The following ASAH1 variants were observed in gnomAD, a reference collection of about 807,000 sequenced individuals.
The protein encoded by ASAH1 is acid ceramidase.
In ASAH1, 70 loss-of-function variants were observed where a neutral mutation model predicts 59.5. The ratio of observed to expected loss-of-function variants is 1.18; its 90% CI spans 0.97 to 1.43. The LOEUF (loss-of-function observed/expected upper bound fraction) is 1.43. Ranked by LOEUF, ASAH1 falls within the 40% of genes most tolerant of loss-of-function variation. ASAH1 has a pLI of 0.00. For missense variants in ASAH1, 660 were observed against 482.5 expected (o/e 1.37, Z -3.45); for synonymous variants, 213 against 166.5 (o/e 1.28, Z -2.15).
At position 18,071,408 on chromosome 8, in the gene ASAH1, T is replaced by C. The variant is rs994632400; in HGVS notation, c.126-18A>G. 6.7e-7 allele frequency: 1 copy of C among 1,502,320 alleles called. No homozygotes were observed. The highest frequency in any genetic ancestry group is 9.2e-7 in the Non-Finnish European group (1 of 1,085,412). 93.1% of individuals were successfully genotyped at this position (1,502,320 alleles called of 1,614,324 possible). A position where few individuals can be genotyped will look rare whatever the true frequency, so the allele number is the denominator to read the frequency against. ...CTCTGTACCTGTAATGAGAGGTGTA[T>C]CATCTTGAAATGATGAAAGGGTTTT... On this transcript the variant is annotated intron_variant, in intron 2 of 13. Coordinates refer to ENST00000637790, the MANE Select transcript of ASAH1 (RefSeq NM_177924.5).
rs1799496104 is a variant in ASAH1, at chr8:18,056,999, C to G, written c.*535G>C. 6.3e-6 allele frequency: 1 copy of G among 159,592 alleles called. No individual in the cohort carries two copies. Among genetic ancestry groups the G allele is most frequent in the South Asian group, 1.7e-4 (1 of 5,736 alleles). The allele number at this position is 159,592 out of a possible 1,614,324, so 9.9% of individuals were successfully genotyped here. A position where few individuals can be genotyped will look rare whatever the true frequency, so the allele number is the denominator to read the frequency against. On this transcript the variant is annotated 3_prime_UTR_variant, in exon 14 of 14. Transcript: ENST00000637790. ...ATACAGGTGAATGTCTGTCTCATCCCTCTAATCATATGTAATAAAATTATA... is the reference window on the plus strand; with the variant it reads ...ATACAGGTGAATGTCTGTCTCATCCGTCTAATCATATGTAATAAAATTATA...
chr8:18,068,124 A>G (rs1274860536), intron 4 of ASAH1: 1 of 152,180 alleles, frequency 6.6e-6, no homozygotes, highest in Non-Finnish European at 1.5e-5. Flanking sequence ...TGCTTTATAC[A>G]CAGTATGTCA....
chr8:18,060,738 A>C (rs1043111784), intron 10 of ASAH1: 5 of 152,566 alleles, frequency 3.3e-5, no homozygotes, highest in African/African-American at 9.7e-5. Context: ...TATGTAGTAC[A>C]TTTTGTATTT....
At chr8:18,069,705 G>A (rs566053158) in intron 4 of ASAH1, 87 bp downstream of exon 4, 14 of 957,852 alleles carry the variant, frequency 1.5e-5, no homozygotes, top group East Asian at 1.2e-4. Flanking sequence ...AAGTCCCTGC[G>A]AAGAGGTTGC....
At chr8:18,067,356 A>G in intron 4 of ASAH1, 58 bp from the exon 5 acceptor site, 1 of 1,034,072 alleles carries the variant, frequency 9.7e-7, no homozygotes, top group Non-Finnish European at 1.3e-6. Context: ...AAAATATATA[A>G]TATAATATAA....
intron 2 of ASAH1, chr8:18,073,410 T>C: frequency 1.1e-6 from 1 of 932,550 alleles, no homozygotes; most frequent in South Asian, 1.5e-5. Context: ...ACTTAGTGTT[T>C]GCAATGTCCA....
intron 2 of ASAH1, chr8:18,073,405 G>C (rs954617701): frequency 1.0e-6 from 1 of 972,760 alleles, no homozygotes; most frequent in South Asian, 1.5e-5. Flanking sequence ...TTGAGACTTA[G>C]TGTTTGCAAT....
intron 3 of ASAH1, among the ~76,000 whole-genome samples, chr8:18,070,190 C>A (rs1196075360): frequency 1.3e-5 from 2 of 152,038 alleles, no homozygotes; most frequent in East Asian, 3.9e-4. Context: ...GCTCTTGTCG[C>A]CCAGGCCGGA....
At chr8:18,076,265 T>C (rs55665443) in intron 1 of ASAH1, 6,633 of 154,802 alleles carry the variant, frequency 0.043, 492 homozygotes, top group African/African-American at 0.15. Context: ...ATGAAAATAT[T>C]CATACCCTCC....
Position 18,063,096 on chromosome 8 carries a change from C to T in ASAH1, c.503+89G>A, listed in dbSNP as rs1281047038. The T allele has an allele frequency of 9.4e-6, 12 of 1,273,496 alleles. No homozygotes were observed. In the African/African-American group the frequency reaches 1.8e-4, roughly 19 times the overall value. 78.9% of individuals were successfully genotyped at this position (1,273,496 alleles called of 1,614,324 possible). A position where few individuals can be genotyped will look rare whatever the true frequency, so the allele number is the denominator to read the frequency against. ...TCTTGGCCAGGCTGGTCTTGAACTCCTGACCTCGTGATCCACCCGTGTCAG... is the reference window on the plus strand; with the variant it reads ...TCTTGGCCAGGCTGGTCTTGAACTCTTGACCTCGTGATCCACCCGTGTCAG... On this transcript the variant is annotated intron_variant, in intron 7 of 13. Transcript: ENST00000637790.
chr8:18,056,911 T>C lies in ASAH1; in HGVS notation c.*623A>G. On this transcript the variant is annotated 3_prime_UTR_variant, in exon 14 of 14. Transcript: ENST00000637790. ...AAAGATTGCTTTGCATACTGATTAC[T>C]TCTTGAACCCCAAAAAGTGCTATTT... 1 of 152,896 alleles carries C rather than the reference T, an allele frequency of 6.5e-6. No individual in the cohort carries two copies. The highest frequency in any genetic ancestry group is 1.5e-5 in the Non-Finnish European group (1 of 68,440). The allele number at this position is 152,896 out of a possible 1,614,324, so 9.5% of individuals were successfully genotyped here. A position where few individuals can be genotyped will look rare whatever the true frequency, so the allele number is the denominator to read the frequency against.
chr8:18,058,566 A>G (rs1799562008), intron 13 of ASAH1: 1 of 462,414 alleles, frequency 2.2e-6, no homozygotes, highest in South Asian at 2.5e-5. Flanking sequence ...TTTAATAGAT[A>G]CCAATAAGAG....
intron 1 of ASAH1, among the ~76,000 whole-genome samples, chr8:18,079,883 T>A (rs1416647543): frequency 6.6e-6 from 1 of 152,264 alleles, no homozygotes; most frequent in Admixed American, 6.5e-5. Context: ...TGAAAATGTT[T>A]TCACTTGTCT....
At chr8:18,063,084 G>A in intron 7 of ASAH1, 101 bp downstream of exon 7, 2 of 1,070,234 alleles carry the variant, frequency 1.9e-6, no homozygotes, top group East Asian at 2.4e-5. Flanking sequence ...TGGCCAGGCT[G>A]GTCTTGAACT....
Position 18,084,095 on chromosome 8 carries a change from A to G in ASAH1, c.-37T>C, listed in dbSNP as rs1272662384. The G allele has an allele frequency of 1.3e-6, 2 of 1,597,022 alleles. No individual in the cohort carries two copies. Among genetic ancestry groups the G allele is most frequent in the African/African-American group, 1.3e-5 (1 of 75,014 alleles). ...CCAACGCCACTCCCCGGACTCCAGC[A>G]GAGGCAAAGAAGAGCCGGCTGGGCC... On this transcript the variant is annotated 5_prime_UTR_variant, in exon 1 of 14. Coordinates refer to ENST00000637790, the MANE Select transcript of ASAH1 (RefSeq NM_177924.5).
intron 1 of ASAH1, 47 bp downstream of exon 1, chr8:18,083,934 C>G: frequency 6.3e-7 from 1 of 1,574,928 alleles, no homozygotes; most frequent in Non-Finnish European, 8.6e-7. Context: ...TCCATCCGCG[C>G]CCGCACCTGC....
chr8:18,084,080 T>A lies in ASAH1; in HGVS notation c.-22A>T, dbSNP rs765396156. Reference sequence around the variant, plus strand: ...GCATCGCTCTAGCAGCCAACGCCACTCCCCGGACTCCAGCAGAGGCAAAGA... The same window carrying A: ...GCATCGCTCTAGCAGCCAACGCCACACCCCGGACTCCAGCAGAGGCAAAGA... On this transcript the variant is annotated 5_prime_UTR_variant, in exon 1 of 14. Coordinates refer to ENST00000637790, the MANE Select transcript of ASAH1 (RefSeq NM_177924.5). 2 of 1,597,828 alleles carry A rather than the reference T, an allele frequency of 1.3e-6. No homozygotes were observed. The highest frequency in any genetic ancestry group is 1.3e-5 in the African/African-American group (1 of 74,950).
At chr8:18,062,133 A>G (rs947904288) in intron 8 of ASAH1, 146 bp downstream of exon 8, 46 of 1,077,142 alleles carry the variant, frequency 4.3e-5, no homozygotes, top group Middle Eastern at 2.0e-4. Flanking sequence ...ACGAGATCTC[A>G]TACCTATGAA....
intron 5 of ASAH1, 79 bp downstream of exon 5, chr8:18,067,141 G>A: frequency 3.4e-6 from 4 of 1,163,076 alleles, no homozygotes; most frequent in East Asian, 2.6e-5. Flanking sequence ...CACCTGTGCT[G>A]TATGTATATC....
Sources: allele counts gnomAD v4.1 joint callset (sites outside exome capture counted in the v4.1 genomes callset), GRCh38; gene constraint gnomAD v4.1.1; transcripts MANE v1.5; gene names NCBI Gene and HGNC (gene_info 2026-07-23, HGNC 2026-07-21).